AVL9: variants seen among roughly 807,000 people sequenced by gnomAD.
The protein encoded by AVL9 is AVL9 cell migration associated, also known as late secretory pathway protein AVL9 homolog.
Under a neutral mutation model 79.2 loss-of-function variants are expected in AVL9, and 49 were observed. The ratio of observed to expected loss-of-function variants is 0.62; its 90% confidence interval spans 0.49 to 0.79. The LOEUF is 0.79. AVL9 is among the 30% of genes least tolerant of loss of function. The pLI, the probability that AVL9 is intolerant of heterozygous loss-of-function variation, is 0.00. For missense variants in AVL9, 682 were observed against 776.8 expected (o/e 0.88, Z 1.45); for synonymous variants, 299 against 280.6 (o/e 1.07, Z -0.65).
Position 32,495,553 on chromosome 7 carries a change from C to T in AVL9, c.-157C>T. 4.7e-6 allele frequency: 2 copies of T among 423,120 alleles called. No individual in the cohort carries two copies. The highest frequency in any genetic ancestry group is 8.3e-6 in the Non-Finnish European group (2 of 241,706). 26.2% of individuals were successfully genotyped at this position (423,120 alleles called of 1,614,324 possible). On this transcript the variant is annotated 5_prime_UTR_variant, in exon 1 of 16. Transcript: ENST00000318709. ...GGAAGGGCGGCCGTGGCCCTGGGGGCGGCGGGAGCTGCTTTGCCTCCACCG... is the reference window on the plus strand; with the variant it reads ...GGAAGGGCGGCCGTGGCCCTGGGGGTGGCGGGAGCTGCTTTGCCTCCACCG...
chr7:32,520,517 T>C (rs116510099), intron 1 of AVL9, among the ~76,000 whole-genome samples: 63 of 152,316 alleles, frequency 4.1e-4, no homozygotes, highest in African/African-American at 1.3e-3. Flanking sequence ...GTAAGGTCTG[T>C]TGTAAGGTCT....
intron 13 of AVL9, among the ~76,000 whole-genome samples, chr7:32,579,416 G>T (rs1194815336): frequency 1.0e-3 from 4 of 3,852 alleles, no homozygotes; most frequent in East Asian, 3.8e-3. Context: ...TATATAATAT[G>T]TTATATATAT....
At position 32,583,983 on chromosome 7, in the gene AVL9, T is replaced by G. The variant is rs760823591; in HGVS notation, c.*76T>G. 30 of 1,011,674 alleles carry G rather than the reference T, an allele frequency of 3.0e-5. No homozygotes were observed. The highest frequency in any genetic ancestry group is 3.9e-5 in the Non-Finnish European group (25 of 638,678). The allele number at this position is 1,011,674 out of a possible 1,614,324, so 62.7% of individuals were successfully genotyped here. ...CTGTCTGCTGCTCCCAGGCTGTTACTAGCCACAGATCCACAGCAGGGGACC... is the reference window on the plus strand; with the variant it reads ...CTGTCTGCTGCTCCCAGGCTGTTACGAGCCACAGATCCACAGCAGGGGACC... On this transcript the variant is annotated 3_prime_UTR_variant, in exon 16 of 16. Transcript: ENST00000318709.
At chr7:32,578,619 G>C (rs1583605404) in intron 13 of AVL9, among the ~76,000 whole-genome samples, 1 of 152,040 alleles carries the variant, frequency 6.6e-6, no homozygotes, top group Admixed American at 6.6e-5. Context: ...ACCAGCCTGG[G>C]CAACATGGTG....
At chr7:32,580,742 C>T (rs921471390) in intron 14 of AVL9, 60 bp from the exon 15 acceptor site, 14 of 1,139,928 alleles carry the variant, frequency 1.2e-5, no homozygotes, top group Admixed American at 9.4e-5. Context: ...TGTCTGTGTG[C>T]GTGTGTGAGA....
At chr7:32,549,060 C>G (rs1049994999) in intron 4 of AVL9, 142 bp downstream of exon 4, 22 of 464,942 alleles carry the variant, frequency 4.7e-5, no homozygotes, top group African/African-American at 4.4e-4. Flanking sequence ...TTCTCTTTCC[C>G]TTTCAGCAGT....
intron 1 of AVL9, among the ~76,000 whole-genome samples, chr7:32,496,358 C>A (rs1786811556): frequency 1.3e-5 from 2 of 152,250 alleles, no homozygotes; most frequent in African/African-American, 4.8e-5. Flanking sequence ...TTTGCCTCCC[C>A]CTTCCCATTG....
In AVL9 at chr7:32,575,946, A is replaced by G. The variant is rs1481229383; in HGVS notation, c.1571-9A>G. 3.8e-6 allele frequency: 6 copies of G among 1,578,678 alleles called. No homozygotes were observed. The African/African-American group carries it at 5.4e-5, about 14-fold the overall frequency. On this transcript the variant is annotated splice_polypyrimidine_tract_variant and intron_variant, in intron 12 of 15. Transcript: ENST00000318709. ...CCAGCTCAACTTCTTTCAAACATTTACTTGACAGACAATGAAAAGATATTA... is the reference window on the plus strand; with the variant it reads ...CCAGCTCAACTTCTTTCAAACATTTGCTTGACAGACAATGAAAAGATATTA...
intron 2 of AVL9, among the ~76,000 whole-genome samples, chr7:32,543,614 C>T (rs574934658): frequency 6.6e-6 from 1 of 152,350 alleles, no homozygotes; most frequent in South Asian, 2.1e-4. Flanking sequence ...TAGCTGCATA[C>T]TTGCAGTACT....
At chr7:32,534,282 TTACA>T (rs1476449032) in intron 1 of AVL9, 1 of 152,208 alleles carries the variant, frequency 6.6e-6, no homozygotes, top group Non-Finnish European at 1.5e-5. Flanking sequence ...TGAATATTGG[TTACA>T]TACAAAGTCA....
chr7:32,532,282 T>G (rs904961874), intron 1 of AVL9: 3 of 152,206 alleles, frequency 2.0e-5, no homozygotes, highest in Non-Finnish European at 4.4e-5. Context: ...CTCTGCCAGC[T>G]GAGTCAGGGG....
At chr7:32,534,064 A>T (rs1435658289) in intron 1 of AVL9, 1 of 152,198 alleles carries the variant, frequency 6.6e-6, no homozygotes, top group Non-Finnish European at 1.5e-5. Flanking sequence ...AACTATGACA[A>T]AGCATGGTAA....
chr7:32,582,872 A>G (rs1791576579), intron 15 of AVL9, among the ~76,000 whole-genome samples: 5 of 152,138 alleles, frequency 3.3e-5, no homozygotes, highest in Admixed American at 2.0e-4. Context: ...TTTTGTAGAA[A>G]GAGGGTTTCG....
At chr7:32,540,918 A>G (rs1481000854) in intron 1 of AVL9, among the ~76,000 whole-genome samples, 1 of 68,166 alleles carries the variant, frequency 1.5e-5, no homozygotes, top group Non-Finnish European at 2.6e-5. Context: ...TTTTTTTTTG[A>G]GACGGAGTCT....
At chr7:32,581,148 A>G (rs1325322365) in intron 15 of AVL9, 1 of 443,352 alleles carries the variant, frequency 2.3e-6, no homozygotes, top group East Asian at 4.3e-5. Flanking sequence ...GCTGCACCAG[A>G]GTTTTCTTCC....
rs1216691099 is a variant in AVL9 at position 32,588,246 on chromosome 7, A to C, written c.*4339A>C. The C allele has an allele frequency of 1.3e-5, 2 of 152,220 alleles. No homozygotes were observed. The highest frequency in any genetic ancestry group is 2.9e-5 in the Non-Finnish European group (2 of 68,038). The allele number at this position is 152,220 out of a possible 1,614,324, so 9.4% of individuals were successfully genotyped here. On this transcript the variant is annotated 3_prime_UTR_variant, in exon 16 of 16. Transcript: ENST00000318709. The stretch of plus-strand genomic sequence containing the variant: ...GTACTGAGCCAGAAAAGGTAATTGA[A>C]GTTTTCAGAAAGCTTCTGTGCTTAG...
intron 1 of AVL9, among the ~76,000 whole-genome samples, chr7:32,511,685 G>T (rs918158055): frequency 3.9e-5 from 6 of 152,026 alleles, no homozygotes; most frequent in African/African-American, 1.4e-4. Flanking sequence ...TGCTGGGAAG[G>T]GGCGACATTA....
At position 32,580,973 on chromosome 7, in the gene AVL9, CAT is replaced by C. The variant is rs546403472; in HGVS notation, c.1831+85_1831+86del. On this transcript the variant is annotated intron_variant, in intron 15 of 15. Coordinates refer to ENST00000318709, the MANE Select transcript of AVL9 (RefSeq NM_015060.3). ...TTTAATATGTAATTGATAAAACAAA[CAT>C]AAAGTTGTAAAGATCTGTGTTATCA... The C allele has an allele frequency of 4.1e-4, 441 of 1,068,878 alleles. 1 individual carries two copies. In the African/African-American group the frequency reaches 5.4e-3, roughly 13 times the overall value. The allele number at this position is 1,068,878 out of a possible 1,614,324, so 66.2% of individuals were successfully genotyped here.
rs1791083183 is a variant in AVL9, at chr7:32,576,012, C to G, written c.1628C>G (p.Thr543Ser). 1 of 1,613,952 alleles carries G rather than the reference C, an allele frequency of 6.2e-7. No individual in the cohort carries two copies. The highest frequency in any genetic ancestry group is 1.7e-5 in the Admixed American group (1 of 60,000). Residue 543 changes from threonine (T) to serine (S), a missense_variant, in exon 13 of 16, where the codon ACT (threonine) becomes AGT (serine). Thr to Ser is a moderately conservative substitution (Grantham distance 58). Coordinates refer to ENST00000318709, the MANE Select transcript of AVL9 (RefSeq NM_015060.3). ...ACTTTTGTTACAGCATGGAAGAATA[C>G]TCACAACTACAGGGTGTGGAACAGC... Reference protein sequence around the residue: ...GTTFVTAWKNTHNYRVWNSNK... With the variant: ...GTTFVTAWKNSHNYRVWNSNK...
Sources: gnomAD v4.1 joint callset for allele counts (sites outside exome capture counted in the v4.1 genomes callset) on GRCh38, gnomAD v4.1.1 for gene constraint, MANE v1.5 for transcripts, NCBI Gene and HGNC (gene_info 2026-07-23, HGNC 2026-07-21) for gene names.